The following ADGRB1 variants were observed in gnomAD, a reference collection of about 807,000 sequenced individuals.
ADGRB1 encodes brain-specific angiogenesis inhibitor 1.
A neutral mutation model predicts 175.7 loss-of-function variants in ADGRB1; 36 were observed. That is an observed-to-expected ratio of 0.20 (90% CI 0.16 to 0.27). ADGRB1 has a LOEUF of 0.27. Among genes scored for constraint, ADGRB1 ranks in the 10% least tolerant of loss-of-function variants. The probability of loss-of-function intolerance (pLI) is 1.00; values close to 1 mark genes in which losing one functional copy is unlikely to be tolerated. For missense variants in ADGRB1, 1,731 were observed against 2,255.3 expected (o/e 0.77, Z 4.71); for synonymous variants, 1,054 against 979.4 (o/e 1.08, Z -1.42).
At chr8:142,518,811 A>G (rs537825857) in intron 19 of ADGRB1, among the ~76,000 whole-genome samples, 1 of 152,320 alleles carries the variant, frequency 6.6e-6, no homozygotes, top group South Asian at 2.1e-4. Context: ...CTCCTGTCCC[A>G]TTGAGTAGAA....
At chr8:142,488,314 C>T in intron 13 of ADGRB1, 50 bp from the exon 14 acceptor site, 1 of 1,606,756 alleles carries the variant, frequency 6.2e-7, no homozygotes, top group Non-Finnish European at 8.5e-7. Context: ...CCCGCCACAT[C>T]TGTGACTTTC....
chr8:142,489,552 C>A, intron 16 of ADGRB1, 114 bp downstream of exon 16: 2 of 1,168,500 alleles, frequency 1.7e-6, no homozygotes, highest in Non-Finnish European at 1.2e-6. Flanking sequence ...CTTTAACCTT[C>A]GAGAGCTACT....
intron 24 of ADGRB1, among the ~76,000 whole-genome samples, chr8:142,528,947 T>G (rs372352864): frequency 6.6e-6 from 1 of 152,176 alleles, no homozygotes; most frequent in African/African-American, 2.4e-5. Context: ...TGGTCAGTCC[T>G]GTCCCTCTGG....
At chr8:142,466,983 A>G (rs996797489) in intron 2 of ADGRB1, among the ~76,000 whole-genome samples, 6 of 152,372 alleles carry the variant, frequency 3.9e-5, no homozygotes, top group Admixed American at 3.9e-4. Flanking sequence ...GCTGGTCGTT[A>G]GCAGCATCAG....
At chr8:142,454,275 A>G (rs980695040) in intron 1 of ADGRB1, among the ~76,000 whole-genome samples, 2 of 152,120 alleles carry the variant, frequency 1.3e-5, no homozygotes, top group Non-Finnish European at 2.9e-5. Context: ...GCCACCCAAA[A>G]CCAACACACA....
intron 25 of ADGRB1, among the ~76,000 whole-genome samples, chr8:142,534,979 T>C (rs1054560063): frequency 2.6e-5 from 4 of 152,162 alleles, no homozygotes; most frequent in Non-Finnish European, 5.9e-5. Context: ...AGGCGGTTCT[T>C]CTTTGAGGCC....
rs1841026484 is a variant in ADGRB1 at position 142,477,192 on chromosome 8, G to A, written c.1136G>A (p.Arg379His). Reference protein sequence around the residue: ...TCGEGWQTRTRFCVSSSYSTQ... With the variant: ...TCGEGWQTRTHFCVSSSYSTQ... ...GGCGAGGGCTGGCAGACCCGCACGC[G>A]CTTCTGCGTGTCCTCCTCCTACAGC... is the stretch of plus-strand genomic sequence containing the variant. Residue 379 changes from arginine to histidine, a missense_variant, in exon 5 of 31, where the codon CGC becomes CAC. Transcript: ENST00000517894. The A allele has an allele frequency of 1.9e-6, 3 of 1,596,712 alleles. No homozygotes were observed. Among genetic ancestry groups the A allele is most frequent in the Non-Finnish European group, 1.7e-6 (2 of 1,177,800 alleles).
intron 18 of ADGRB1, 117 bp from the exon 19 acceptor site, chr8:142,518,021 G>T: frequency 1.1e-6 from 1 of 903,684 alleles, no homozygotes. Flanking sequence ...AGGAGGGGCT[G>T]GGCCAAACGC....
At chr8:142,465,049 G>A (rs1840189215) in intron 2 of ADGRB1, 67 bp downstream of exon 2, 1 of 1,340,094 alleles carries the variant, frequency 7.5e-7, no homozygotes, top group Non-Finnish European at 9.8e-7. Flanking sequence ...GGCAGACAGG[G>A]GAGGCGGGCG....
At chr8:142,479,200 G>T in intron 7 of ADGRB1, 123 bp from the exon 8 acceptor site, 1 of 1,125,014 alleles carries the variant, frequency 8.9e-7, no homozygotes, top group South Asian at 2.8e-5. Context: ...ACATTCCTGG[G>T]TCCCTATGTT....
chr8:142,465,066 G>A (rs1840192196), intron 2 of ADGRB1, 84 bp downstream of exon 2: 3 of 1,196,050 alleles, frequency 2.5e-6, no homozygotes, highest in South Asian at 1.6e-5. Flanking sequence ...GGCGGATGGG[G>A]GAAGTGGGCG....
chr8:142,540,455 G>A (rs1460737326), intron 27 of ADGRB1, among the ~76,000 whole-genome samples: 2 of 151,608 alleles, frequency 1.3e-5, no homozygotes, highest in African/African-American at 4.9e-5. Flanking sequence ...TGGCTACAGC[G>A]CCTGGTGGAT....
At chr8:142,514,826 G>A (rs1424725619) in intron 18 of ADGRB1, among the ~76,000 whole-genome samples, 1 of 152,128 alleles carries the variant, frequency 6.6e-6, no homozygotes, top group African/African-American at 2.4e-5. Flanking sequence ...TGGGAATTGG[G>A]GCTCGGGGTA....
chr8:142,479,106 G>T (rs1841184325), intron 7 of ADGRB1: 2 of 480,602 alleles, frequency 4.2e-6, no homozygotes, highest in Non-Finnish European at 6.9e-6. Context: ...GGCTGCATGT[G>T]GGGTGTTTGC....
In ADGRB1 at chr8:142,464,839, C is replaced by G; in HGVS notation, c.641C>G (p.Ala214Gly). Residue 214 changes from alanine to glycine, a missense_variant, in exon 2 of 31, where the codon GCC becomes GGC. Ala to Gly is a moderately conservative substitution (Grantham distance 60). Around this residue, in one of 8 missense-constraint regions of ADGRB1, gnomAD observed 383 missense variants for 383.1 expected, o/e 1.00. Coordinates refer to ENST00000517894, the MANE Select transcript of ADGRB1 (RefSeq NM_001702.3). ...HPCGIMQTPC[A>G]CLGGEAGGPA... The stretch of plus-strand genomic sequence containing the variant: ...TGCGGGATCATGCAGACCCCCTGCG[C>G]CTGCCTGGGCGGCGAGGCGGGCGGC... 6.6e-7 allele frequency: 1 copy of G among 1,526,576 alleles called. No individual in the cohort carries two copies. Among genetic ancestry groups the G allele is most frequent in the Non-Finnish European group, 8.8e-7 (1 of 1,142,264 alleles). The allele number at this position is 1,526,576 out of a possible 1,614,324, so 94.6% of individuals were successfully genotyped here.
At chr8:142,462,690 C>T (rs549086580) in intron 1 of ADGRB1, among the ~76,000 whole-genome samples, 7 of 152,346 alleles carry the variant, frequency 4.6e-5, no homozygotes, top group African/African-American at 7.2e-5. Flanking sequence ...GGCATTTGTG[C>T]GGTCAGCAGA....
chr8:142,475,896 C>CGGGGCTGGCCCGTGGGAGTG (rs57576889), intron 3 of ADGRB1, among the ~76,000 whole-genome samples: 97,860 of 144,866 alleles, frequency 0.68, 33,496 homozygotes, highest in African/African-American at 0.77. Flanking sequence ...GACCTAAACT[C>CGGGGCTGGCCCGTGGGAGTG]GGGGCTGGCC....
chr8:142,484,469 G>A (rs1841556114), intron 12 of ADGRB1, among the ~76,000 whole-genome samples, 187 bp from the exon 13 acceptor site: 3 of 152,358 alleles, frequency 2.0e-5, no homozygotes, highest in East Asian at 1.9e-4. Context: ...CATGGGTGGG[G>A]CACAGCAGCC....
chr8:142,522,283 G>T (rs1843896254), intron 21 of ADGRB1, among the ~76,000 whole-genome samples, 168 bp downstream of exon 21: 1 of 152,112 alleles, frequency 6.6e-6, no homozygotes, highest in African/African-American at 2.4e-5. Context: ...GGAGTCACCA[G>T]ATAAAGCACA....
Sources: allele counts gnomAD v4.1 joint callset (sites outside exome capture counted in the v4.1 genomes callset), GRCh38; gene constraint gnomAD v4.1.1; regional missense constraint gnomAD v4.1.1; transcripts MANE v1.5; gene names NCBI Gene and HGNC (gene_info 2026-07-23, HGNC 2026-07-21).